Variants in FNIP1 observed in about 807,000 individuals in gnomAD.
FNIP1 encodes the protein folliculin-interacting protein 1.
FNIP1 carries 40 observed loss-of-function variants against 124.5 expected under a neutral mutation model. That is an observed-to-expected ratio of 0.32 (90% CI 0.25 to 0.42). The LOEUF (loss-of-function observed/expected upper bound fraction) is 0.42, where lower values mean the gene tolerates loss of function less well. FNIP1 is among the 10% of genes least tolerant of loss of function. The pLI, the probability that FNIP1 is intolerant of heterozygous loss-of-function variation, is 1.00. For synonymous variants in FNIP1, 472 were observed against 470.6 expected, an observed-to-expected ratio of 1.00 and a Z score of -0.04; for missense variants, 1,176 against 1,403.7, an observed-to-expected ratio of 0.84 and a Z score of 2.59.
At chr5:131,716,468 T>C in intron 6 of FNIP1, 97 bp downstream of exon 6, 1 of 719,268 alleles carries the variant, frequency 1.4e-6, no homozygotes, top group Non-Finnish European at 2.2e-6. Flanking sequence ...AATTCTTTGT[T>C]ATCATGACAG....
intron 9 of FNIP1, among the ~76,000 whole-genome samples, chr5:131,704,570 T>C (rs191748589): frequency 4.6e-5 from 7 of 152,300 alleles, no homozygotes; most frequent in Admixed American, 3.3e-4. Flanking sequence ...TTAAGATTTA[T>C]AGATGAGTCT....
At chr5:131,673,283 T>C (rs1207736706) in intron 13 of FNIP1, among the ~76,000 whole-genome samples, 3 of 151,870 alleles carry the variant, frequency 2.0e-5, no homozygotes, top group African/African-American at 7.3e-5. Flanking sequence ...CTTGAGCTCC[T>C]GGGCTCAAGC....
At chr5:131,751,650 A>G (rs1770876058) in intron 1 of FNIP1, among the ~76,000 whole-genome samples, 1 of 152,230 alleles carries the variant, frequency 6.6e-6, no homozygotes, top group African/African-American at 2.4e-5. Context: ...CTCATGAATA[A>G]ACAAAATGTG....
chr5:131,678,609 C>T (rs943069506), intron 12 of FNIP1, among the ~76,000 whole-genome samples: 2 of 17,280 alleles, frequency 1.2e-4, no homozygotes, highest in African/African-American at 5.1e-4. Flanking sequence ...GACAGGGTTT[C>T]ACCGTGTTAG....
Position 131,797,006 on chromosome 5 carries a change from C to G in FNIP1, c.-85G>C. 1 of 1,270,896 alleles carries G rather than the reference C, an allele frequency of 7.9e-7. No individual in the cohort carries two copies. The highest frequency in any genetic ancestry group is 1.1e-6 in the Non-Finnish European group (1 of 911,766). The allele number at this position is 1,270,896 out of a possible 1,614,324, so 78.7% of individuals were successfully genotyped here. A position where few individuals can be genotyped will look rare whatever the true frequency, so the allele number is the denominator to read the frequency against. On this transcript the variant is annotated 5_prime_UTR_variant, in exon 1 of 18. Transcript: ENST00000510461. Reference sequence around the variant, plus strand: ...AGCCGCCCCGCCACCCCCATGGGCGCCTCAGTCATATGACAGAAATTAGTC... The same window carrying G: ...AGCCGCCCCGCCACCCCCATGGGCGGCTCAGTCATATGACAGAAATTAGTC...
chr5:131,651,599 C>A (rs1767041965), intron 16 of FNIP1, among the ~76,000 whole-genome samples: 1 of 152,060 alleles, frequency 6.6e-6, no homozygotes, highest in Non-Finnish European at 1.5e-5. Flanking sequence ...TCAGAGCACC[C>A]CACCCTCAAG....
intron 11 of FNIP1, among the ~76,000 whole-genome samples, chr5:131,681,245 C>G (rs6878276): frequency 5.9e-5 from 9 of 151,628 alleles, no homozygotes; most frequent in African/African-American, 2.2e-4. Flanking sequence ...TTGTGGGGGG[C>G]GGTGGTATTG....
chr5:131,734,793 A>G (rs1770231356), intron 2 of FNIP1, among the ~76,000 whole-genome samples: 1 of 152,230 alleles, frequency 6.6e-6, no homozygotes, highest in Non-Finnish European at 1.5e-5. Context: ...GGCGATCATT[A>G]AAAAGTCAGG....
At chr5:131,785,901 G>A (rs1188838532) in intron 1 of FNIP1, among the ~76,000 whole-genome samples, 1 of 151,984 alleles carries the variant, frequency 6.6e-6, no homozygotes, top group Non-Finnish European at 1.5e-5. Flanking sequence ...TTTTACAAAT[G>A]TGCAGTTTGT....
At chr5:131,721,794 T>C (rs1769674178) in intron 3 of FNIP1, among the ~76,000 whole-genome samples, 1 of 152,234 alleles carries the variant, frequency 6.6e-6, no homozygotes, top group Admixed American at 6.5e-5. Flanking sequence ...CAAGACTTCC[T>C]TGAAACATTA....
intron 1 of FNIP1, among the ~76,000 whole-genome samples, chr5:131,794,311 AC>A (rs1467645523): frequency 1.3e-5 from 2 of 151,744 alleles, no homozygotes; most frequent in African/African-American, 2.4e-5. Context: ...AACAAAAATA[AC>A]AATATCAATA....
intron 1 of FNIP1, among the ~76,000 whole-genome samples, chr5:131,750,758 A>ATT (rs1283540508): frequency 3.3e-5 from 5 of 151,928 alleles, no homozygotes; most frequent in African/African-American, 7.3e-5. Flanking sequence ...GATTACAGGT[A>ATT]TGTGCCACCA....
chr5:131,718,733 GT>G (rs1280101448), intron 5 of FNIP1, among the ~76,000 whole-genome samples: 2 of 152,164 alleles, frequency 1.3e-5, no homozygotes, highest in East Asian at 3.8e-4. Flanking sequence ...AAATCAGCAT[GT>G]TGCCCTAAGA....
chr5:131,739,970 T>A (rs1056313410), intron 2 of FNIP1, among the ~76,000 whole-genome samples: 71 of 152,198 alleles, frequency 4.7e-4, no homozygotes, highest in Non-Finnish European at 8.5e-4. Context: ...TAGAATCCAC[T>A]ATTTAGTTCC....
At chr5:131,731,761 T>C (rs1770102313) in intron 2 of FNIP1, among the ~76,000 whole-genome samples, 1 of 152,152 alleles carries the variant, frequency 6.6e-6, no homozygotes, top group African/African-American at 2.4e-5. Flanking sequence ...TTTTCCCATA[T>C]TAGAAATCAA....
intron 11 of FNIP1, among the ~76,000 whole-genome samples, chr5:131,689,631 T>C (rs1450535409): frequency 1.3e-5 from 2 of 152,106 alleles, no homozygotes; most frequent in African/African-American, 4.8e-5. Flanking sequence ...TTGCCAACTA[T>C]AGGACAAACA....
At chr5:131,782,595 AAAGG>A (rs1053618803) in intron 1 of FNIP1, among the ~76,000 whole-genome samples, 3 of 151,326 alleles carry the variant, frequency 2.0e-5, no homozygotes, top group African/African-American at 7.3e-5. Context: ...AGAAAAAGAG[AAAGG>A]AAGGAAGGGA....
intron 1 of FNIP1, 105 bp from the exon 2 acceptor site, chr5:131,744,795 C>A (rs1479598821): frequency 1.9e-5 from 15 of 798,112 alleles, no homozygotes; most frequent in Admixed American, 8.3e-5. Context: ...CCAAAATTAT[C>A]TTATTGTTAA....
intron 2 of FNIP1, among the ~76,000 whole-genome samples, chr5:131,737,339 T>C (rs1770347575): frequency 6.6e-6 from 1 of 152,206 alleles, no homozygotes; most frequent in African/African-American, 2.4e-5. Context: ...TGTGTGTGTA[T>C]GTGCATCCTT....
Sources: allele counts gnomAD v4.1 joint callset (sites outside exome capture counted in the v4.1 genomes callset), GRCh38; gene constraint gnomAD v4.1.1; transcripts MANE v1.5; gene names NCBI Gene and HGNC (gene_info 2026-07-23, HGNC 2026-07-21).